The following SERINC2 variants were observed in gnomAD, a reference collection of about 807,000 sequenced individuals.
SERINC2 encodes the protein serine incorporator 2.
A neutral mutation model predicts 54.2 loss-of-function variants in SERINC2; 56 were observed. That is an observed-to-expected ratio of 1.03 (90% CI 0.83 to 1.29). The LOEUF is 1.29. Among genes scored for constraint, SERINC2 ranks in the 50% most tolerant of loss-of-function variants. SERINC2 has a pLI of 0.00. For synonymous variants in SERINC2, 272 were observed against 253.1 expected (o/e 1.07, Z -0.71); for missense variants, 614 against 607.4 (o/e 1.01, Z -0.12).
intron 1 of SERINC2, chr1:31,414,695 C>G: frequency 3.0e-6 from 3 of 985,404 alleles, no homozygotes; most frequent in Non-Finnish European, 3.6e-6. Flanking sequence ...AGGTTTGGGC[C>G]AGGTCTCTGC....
At chr1:31,424,654 C>T in intron 2 of SERINC2, 29 bp from the exon 3 acceptor site, 1 of 1,543,150 alleles carries the variant, frequency 6.5e-7, no homozygotes, top group Non-Finnish European at 8.8e-7. Flanking sequence ...AGAGGTGGGG[C>T]TTTGACGCTG....
intron 1 of SERINC2, among the ~76,000 whole-genome samples, chr1:31,421,902 T>C (rs1255074826): frequency 6.6e-6 from 1 of 151,956 alleles, no homozygotes; most frequent in Non-Finnish European, 1.5e-5. Flanking sequence ...GCCCAGCCCC[T>C]ACCCACCCCA....
chr1:31,421,927 G>A (rs1417620003), intron 1 of SERINC2, among the ~76,000 whole-genome samples: 3 of 152,174 alleles, frequency 2.0e-5, no homozygotes, highest in Admixed American at 1.3e-4. Flanking sequence ...CACCTGTCTA[G>A]AACTTTCTTT....
At chr1:31,425,432 A>AT in intron 4 of SERINC2, 23 bp downstream of exon 4, 1 of 1,547,582 alleles carries the variant, frequency 6.5e-7, no homozygotes, top group South Asian at 1.1e-5. Context: ...GGCAGGAGGC[A>AT]TGGGGGGCTG....
At chr1:31,411,481 C>T (rs552952506), upstream of SERINC2, among the ~76,000 whole-genome samples, 59 of 152,186 alleles carry the variant, frequency 3.9e-4, no homozygotes, top group African/African-American at 1.3e-3. Context: ...TTGTGGGGCT[C>T]AAATGGTACC....
At chr1:31,414,163 G>A in intron 1 of SERINC2, 1 of 1,406,196 alleles carries the variant, frequency 7.1e-7, no homozygotes, top group Admixed American at 3.0e-5. Context: ...TCGCGGGTTC[G>A]GGACCTGTGG....
Position 31,413,321 on chromosome 1 carries a change from G to GCGCC in SERINC2, c.39+25_39+28dup. The stretch of plus-strand genomic sequence containing the variant: ...CTCAGCTGCGTGAGTCCCGACCCCG[G>GCGCC]CGCCCGCCCGCGCGCGCCGCCCGTT... On this transcript the variant is annotated intron_variant, in intron 1 of 9. Transcript: ENST00000373709. This position sits in a 1 kb window ranked among gnomAD's most constrained non-coding sequence, Gnocchi z 5.0. 8.1e-7 allele frequency: 1 copy of GCGCC among 1,242,044 alleles called. No homozygotes were observed. The highest frequency in any genetic ancestry group is 1.0e-6 in the Non-Finnish European group (1 of 988,830). 76.9% of individuals were successfully genotyped at this position (1,242,044 alleles called of 1,614,324 possible).
chr1:31,421,868 AG>A (rs1357795852), intron 1 of SERINC2, among the ~76,000 whole-genome samples: 1 of 152,204 alleles, frequency 6.6e-6, no homozygotes, highest in Non-Finnish European at 1.5e-5. Context: ...TTTGGCCACG[AG>A]GGCCTTCTTA....
upstream of SERINC2, among the ~76,000 whole-genome samples, chr1:31,412,475 G>C (rs190681699): frequency 1.2e-3 from 183 of 152,270 alleles, 1 homozygote; most frequent in African/African-American, 4.3e-3. Context: ...ATGGAGAGAA[G>C]GGAGGATGGG....
At chr1:31,431,580 TCCACAC>T (rs1172567586) in intron 8 of SERINC2, among the ~76,000 whole-genome samples, 2 of 152,220 alleles carry the variant, frequency 1.3e-5, no homozygotes, top group African/African-American at 2.4e-5. Flanking sequence ...TCCTGCTGCT[TCCACAC>T]CCACAGCTCC....
At chr1:31,420,933 C>G (rs1435838547) in intron 1 of SERINC2, among the ~76,000 whole-genome samples, 1 of 152,138 alleles carries the variant, frequency 6.6e-6, no homozygotes, top group Non-Finnish European at 1.5e-5. Context: ...TCAATTTCCA[C>G]GTCTGTAAAA....
intron 8 of SERINC2, among the ~76,000 whole-genome samples, chr1:31,432,350 G>T (rs536636384): frequency 6.6e-6 from 1 of 151,906 alleles, no homozygotes; most frequent in East Asian, 1.9e-4. Flanking sequence ...AAATTTTTAT[G>T]TCTCAAACTA....
intron 1 of SERINC2, chr1:31,414,475 G>GAGAGAGA (rs1570023837): frequency 3.4e-5 from 35 of 1,026,346 alleles, no homozygotes; most frequent in African/African-American, 8.8e-5. Flanking sequence ...GAGAGAGAGA[G>GAGAGAGA]GAGGGGGTGT....
Position 31,426,748 on chromosome 1 carries a change from G to A in SERINC2, c.705G>A (p.Glu235=). The change falls in exon 6 of 10, where the codon GAG becomes GAA. Residue 235 remains glutamate, a synonymous_variant. Coordinates refer to ENST00000373709, the MANE Select transcript of SERINC2 (RefSeq NM_178865.5). The stretch of plus-strand genomic sequence containing the variant: ...ACACTGAGCCCAGCGGCTGCCACGA[G>A]GGCAAGGTCTTCATCAGCCTCAACC... ...MYYTEPSGCH[E]GKVFISLNLT... 6.2e-7 allele frequency: 1 copy of A among 1,614,152 alleles called. No homozygotes were observed. Among genetic ancestry groups the A allele is most frequent in the Non-Finnish European group, 8.5e-7 (1 of 1,180,012 alleles).
chr1:31,425,748 C>T, intron 4 of SERINC2, 28 bp from the exon 5 acceptor site: 1 of 1,608,248 alleles, frequency 6.2e-7, no homozygotes, highest in Non-Finnish European at 8.5e-7. Flanking sequence ...AGGGACCCTC[C>T]TCGCCTCACT....
At chr1:31,410,145 T>G, upstream of SERINC2, 120 of 1,420,558 alleles carry the variant, frequency 8.4e-5, no homozygotes, top group Non-Finnish European at 1.0e-4. Context: ...AACCCTCCAG[T>G]GAGGCTCAGA....
intron 5 of SERINC2, 128 bp downstream of exon 5, chr1:31,426,041 C>T: frequency 1.0e-6 from 1 of 978,706 alleles, no homozygotes; most frequent in East Asian, 2.7e-5. Context: ...TGCCTTAGGT[C>T]AAGATTCCAA....
At position 31,434,352 on chromosome 1, in the gene SERINC2, G is replaced by A; in HGVS notation, c.*153G>A. The A allele has an allele frequency of 1.4e-6, 1 of 732,852 alleles. No individual in the cohort carries two copies. The highest frequency in any genetic ancestry group is 2.2e-6 in the Non-Finnish European group (1 of 449,676). 45.4% of individuals were successfully genotyped at this position (732,852 alleles called of 1,614,324 possible). ...ACCTGCCCCTGAGCCGGGCCTTCTA[G>A]TCGTAGTGCCTTCAGGGTCCGAGGA... On this transcript the variant is annotated 3_prime_UTR_variant, in exon 10 of 10. Transcript: ENST00000373709.
intron 1 of SERINC2, among the ~76,000 whole-genome samples, chr1:31,416,994 A>G (rs1553132295): frequency 6.6e-6 from 1 of 152,230 alleles, no homozygotes; most frequent in East Asian, 1.9e-4. Flanking sequence ...TGCTGGGATT[A>G]CAGGCATGAG....
Sources: gnomAD v4.1 joint callset for allele counts (sites outside exome capture counted in the v4.1 genomes callset) on GRCh38, gnomAD v4.1.1 for gene constraint, Gnocchi (gnomAD v3.1) non-coding constraint, MANE v1.5 for transcripts, NCBI Gene and HGNC (gene_info 2026-07-23, HGNC 2026-07-21) for gene names.